The following KY variants were observed in gnomAD, a reference collection of about 807,000 sequenced individuals.
KY encodes kyphoscoliosis peptidase.
In KY, 43 loss-of-function variants were observed where a neutral mutation model predicts 76.1. The observed-to-expected ratio is 0.57, with a 90% CI of 0.44 to 0.73. The LOEUF is 0.73. Among genes scored for constraint, KY ranks in the 30% least tolerant of loss-of-function variants. The probability of loss-of-function intolerance (pLI) is 0.00; values close to 1 mark genes in which losing one functional copy is unlikely to be tolerated. For missense variants in KY, 722 were observed against 828.9 expected (o/e 0.87, Z 1.58); for synonymous variants, 277 against 326.2 (o/e 0.85, Z 1.63).
intron 3 of KY, among the ~76,000 whole-genome samples, chr3:134,640,951 A>G (rs1965671747): frequency 6.6e-6 from 1 of 152,144 alleles, no homozygotes; most frequent in South Asian, 2.1e-4. Flanking sequence ...CTCAGATTAG[A>G]AGCCTCCCAG....
chr3:134,630,455 G>A (rs959727426), intron 3 of KY, among the ~76,000 whole-genome samples: 1 of 152,198 alleles, frequency 6.6e-6, no homozygotes, highest in African/African-American at 2.4e-5. Flanking sequence ...CACAGTTGTG[G>A]GGCCTATATG....
At chr3:134,647,079 C>G (rs914122607) in intron 2 of KY, among the ~76,000 whole-genome samples, 1 of 152,248 alleles carries the variant, frequency 6.6e-6, no homozygotes, top group Admixed American at 6.5e-5. Context: ...CGACTATCCT[C>G]TCTGTTGGGA....
At chr3:134,616,280 A>C (rs997358545) in intron 8 of KY, among the ~76,000 whole-genome samples, 5 of 152,230 alleles carry the variant, frequency 3.3e-5, no homozygotes, top group African/African-American at 1.2e-4. Flanking sequence ...GATGTTGTGA[A>C]AATATCTGAA....
chr3:134,615,691 C>A (rs1961434331), intron 8 of KY, among the ~76,000 whole-genome samples: 1 of 152,124 alleles, frequency 6.6e-6, no homozygotes, highest in Non-Finnish European at 1.5e-5. Context: ...ATGTCCCTTT[C>A]AGAGGCCTTA....
chr3:134,606,815 T>G (rs4074523), intron 10 of KY, among the ~76,000 whole-genome samples: 94,957 of 150,776 alleles, frequency 0.63, 30,378 homozygotes, highest in East Asian at 0.87. Flanking sequence ...AGTCCCCTCT[T>G]CCTCCTCCTC....
Position 134,603,566 on chromosome 3 carries a change from C to G in KY, c.*13G>C, listed in dbSNP as rs368066090. The G allele has an allele frequency of 6.4e-7, 1 of 1,557,222 alleles. No homozygotes were observed. The highest frequency in any genetic ancestry group is 8.7e-7 in the Non-Finnish European group (1 of 1,147,256). On this transcript the variant is annotated 3_prime_UTR_variant, in exon 11 of 11. Coordinates refer to ENST00000423778, the MANE Select transcript of KY (RefSeq NM_178554.6). ...CCTTGGCCCTTTGGGAGGGTAAGAC[C>G]GGGGCACAGCCCTCACTGGGCATTC...
chr3:134,628,318 T>C (rs1560124978), intron 4 of KY, among the ~76,000 whole-genome samples: 1 of 152,230 alleles, frequency 6.6e-6, no homozygotes, highest in African/African-American at 2.4e-5. Flanking sequence ...CTGAATCCCA[T>C]AAATCTAAGA....
intron 8 of KY, among the ~76,000 whole-genome samples, chr3:134,611,712 G>A (rs997774983): frequency 3.3e-5 from 5 of 152,218 alleles, no homozygotes; most frequent in African/African-American, 1.2e-4. Context: ...TGAGTCTGCA[G>A]TCCAGGGTGT....
At position 134,612,751 on chromosome 3, in the gene KY, C is replaced by CTGTGTGTGTGTGTGTGTG. The variant is rs35084772; in HGVS notation, c.711-2386_711-2369dup. On this transcript the variant is annotated intron_variant, in intron 8 of 10. Transcript: ENST00000423778. ...CAGTCAGCACAATGTCACGCCGATG[C>CTGTGTGTGTGTGTGTGTG]TGTGTGTGTGTGTGTGTGTGTGTGT... Among the ~76,000 whole-genome samples the CTGTGTGTGTGTGTGTGTG allele has an allele frequency of 3.6e-4, 45 of 125,480 alleles. 2 individuals are homozygous for CTGTGTGTGTGTGTGTGTG. In the East Asian group the frequency reaches 6.2e-3, roughly 17 times the overall value. 82.3% of individuals were successfully genotyped at this position (125,480 alleles called of 152,430 possible).
chr3:134,633,981 A>T (rs1432718893), intron 3 of KY, among the ~76,000 whole-genome samples: 1 of 152,236 alleles, frequency 6.6e-6, no homozygotes, highest in Non-Finnish European at 1.5e-5. Flanking sequence ...TGGAGATGGC[A>T]TTTAAAAATA....
chr3:134,639,382 C>G (rs1251819491), intron 3 of KY, among the ~76,000 whole-genome samples: 1 of 152,198 alleles, frequency 6.6e-6, no homozygotes, highest in Non-Finnish European at 1.5e-5. Context: ...TGTTCCAGAG[C>G]TCAGGGCTGT....
In KY at chr3:134,604,163, G is replaced by T; in HGVS notation, c.1402C>A (p.His468Asn). The change falls in exon 11 of 11, where the codon CAC (histidine) becomes AAC (asparagine). Residue 468 changes from histidine (H) to asparagine (N), a missense_variant. His to Asn is a moderately conservative substitution (Grantham distance 68). Coordinates refer to ENST00000423778, the MANE Select transcript of KY (RefSeq NM_178554.6). ...SEQMGIMKPS[H>N]PDPIIHTSDG... is the part of the protein sequence containing the mutation. ...CTGGTGTGGATGATAGGGTCAGGGTGGGAGGGCTTCATGATGCCCATCTGC... is the reference window on the plus strand; with the variant it reads ...CTGGTGTGGATGATAGGGTCAGGGTTGGAGGGCTTCATGATGCCCATCTGC... The T allele has an allele frequency of 6.2e-7, 1 of 1,609,204 alleles. No individual in the cohort carries two copies.
rs762212832 is a variant in KY, at chr3:134,625,055, G to A, written c.481C>T (p.Gln161Ter). ...QFEKLDIYAS[Q>*]VTAKSGLDEL... ...GTCAGAGCGGCCAGCTGTCCTACCT[G>A]TGAGGCGTAGATATCCAATTTCTCA... Residue 161 changes from glutamine to a stop codon, truncating the protein, a stop_gained and splice_region_variant, in exon 6 of 11, where the codon CAG (glutamine) becomes TAG (stop). Transcript: ENST00000423778. LOFTEE classifies it high-confidence loss of function. The A allele has an allele frequency of 1.9e-6, 3 of 1,594,490 alleles. No individual in the cohort carries two copies. The highest frequency in any genetic ancestry group is 1.8e-5 in the Admixed American group (1 of 57,038).
At chr3:134,613,516 G>A (rs1470997107) in intron 8 of KY, among the ~76,000 whole-genome samples, 2 of 152,180 alleles carry the variant, frequency 1.3e-5, no homozygotes, top group East Asian at 3.9e-4. Context: ...CAGGTCTGGT[G>A]GTCACCTCTA....
At chr3:134,633,499 A>G (rs1355737997) in intron 3 of KY, among the ~76,000 whole-genome samples, 4 of 152,148 alleles carry the variant, frequency 2.6e-5, no homozygotes, top group Admixed American at 2.0e-4. Context: ...AAGAAGACAA[A>G]CTACTAGGAT....
In KY at chr3:134,650,817, C is replaced by T. The variant is rs939939817; in HGVS notation, c.136+8G>A. ...GGGACCCGGGGACCCGGGTCGGGCG[C>T]GCGTTACCTCCTCCGCGCTGCAGCA... On this transcript the variant is annotated splice_region_variant and intron_variant, in intron 1 of 10. Transcript: ENST00000423778. 1.3e-6 allele frequency: 2 copies of T among 1,573,402 alleles called. No homozygotes were observed. Among genetic ancestry groups the T allele is most frequent in the African/African-American group, 1.4e-5 (1 of 72,808 alleles).
intron 10 of KY, chr3:134,607,302 G>A (rs1229018808): frequency 1.1e-5 from 11 of 985,412 alleles, no homozygotes; most frequent in Non-Finnish European, 1.2e-5. Context: ...CTTGGCAAAG[G>A]AAGTCATTGT....
At position 134,604,033 on chromosome 3, in the gene KY, T is replaced by C. The variant is rs751140973; in HGVS notation, c.1532A>G (p.Tyr511Cys). Reference protein sequence around the residue: ...GPITEETQRRYIFQLHREKQT... With the variant: ...GPITEETQRRCIFQLHREKQT... ...CTTCTCCCGGTGCAGCTGGAAGATGTAGCGCCGCTGTGTCTCCTCAGTGAT... is the reference window on the plus strand; with the variant it reads ...CTTCTCCCGGTGCAGCTGGAAGATGCAGCGCCGCTGTGTCTCCTCAGTGAT... The change falls in exon 11 of 11, where the codon TAC becomes TGC. Residue 511 changes from tyrosine to cysteine, a missense_variant. This residue lies in a region of KY where 552 missense variants were observed against 680.9 expected (regional missense o/e 0.81). Coordinates refer to ENST00000423778, the MANE Select transcript of KY (RefSeq NM_178554.6). 1.9e-6 allele frequency: 3 copies of C among 1,614,032 alleles called. No individual in the cohort carries two copies. Among genetic ancestry groups the C allele is most frequent in the Admixed American group, 1.7e-5 (1 of 60,026 alleles).
At chr3:134,640,648 G>T (rs1162637623) in intron 3 of KY, among the ~76,000 whole-genome samples, 1 of 152,124 alleles carries the variant, frequency 6.6e-6, no homozygotes, top group African/African-American at 2.4e-5. Flanking sequence ...CGATTCCCTG[G>T]CCACAGCTTT....
Sources: allele counts gnomAD v4.1 joint callset (sites outside exome capture counted in the v4.1 genomes callset), GRCh38; gene constraint gnomAD v4.1.1; regional missense constraint gnomAD v4.1.1; transcripts MANE v1.5; gene names NCBI Gene and HGNC (gene_info 2026-07-23, HGNC 2026-07-21).